The following ETNK1 variants were observed in gnomAD, a reference collection of about 807,000 sequenced individuals.
ETNK1 encodes the protein putative protein product of Nbla10396.
ETNK1 carries 8 observed loss-of-function variants against 45.1 expected under a neutral mutation model. That is an observed-to-expected ratio of 0.18 (90% CI 0.10 to 0.32). ETNK1 has a LOEUF of 0.32. ETNK1 is among the 10% of genes least tolerant of loss of function. The pLI is 1.00. For synonymous variants in ETNK1, 152 were observed against 151.9 expected, an observed-to-expected ratio of 1.00 and a Z score of -0.01; for missense variants, 302 against 430.6, an observed-to-expected ratio of 0.70 and a Z score of 2.64.
chr12:22,638,544 GC>G (rs1565863904), intron 1 of ETNK1: 1 of 152,086 alleles, frequency 6.6e-6, no homozygotes, highest in African/African-American at 2.4e-5. Context: ...GAGCCATCAC[GC>G]TTGGCCTGTC....
intron 1 of ETNK1, among the ~76,000 whole-genome samples, chr12:22,627,242 A>G (rs1317133778): frequency 6.6e-6 from 1 of 152,152 alleles, no homozygotes; most frequent in African/African-American, 2.4e-5. Flanking sequence ...GATGTAGGTA[A>G]AAAAGGGCAA....
Position 22,673,668 on chromosome 12 carries a change from T to A in ETNK1, c.945+8T>A, listed in dbSNP as rs1382808584. The stretch of plus-strand genomic sequence containing the variant: ...GTCAATCAGTTTGCATTGGTAAGTT[T>A]AAATGTACACAATTAATGAAAGGTT... On this transcript the variant is annotated splice_region_variant and intron_variant, in intron 6 of 7. Transcript: ENST00000266517. 4 of 1,605,126 alleles carry A rather than the reference T, an allele frequency of 2.5e-6. No homozygotes were observed. In the Admixed American group the frequency reaches 5.1e-5, roughly 20 times the overall value.
At position 22,688,927 on chromosome 12, in the gene ETNK1, T is replaced by G. The variant is rs1282254705; in HGVS notation, c.*3973T>G. 6.6e-6 allele frequency: 1 copy of G among 151,904 alleles called. No homozygotes were observed. The highest frequency in any genetic ancestry group is 1.5e-5 in the Non-Finnish European group (1 of 67,820). 9.4% of individuals were successfully genotyped at this position (151,904 alleles called of 1,614,324 possible). ...ACCACCTTATTTTAAAATTTTTAACTTTTATATACCACTTGTGTGATTCCA... is the reference window on the plus strand; with the variant it reads ...ACCACCTTATTTTAAAATTTTTAACGTTTATATACCACTTGTGTGATTCCA... On this transcript the variant is annotated 3_prime_UTR_variant, in exon 8 of 8. Coordinates refer to ENST00000266517, the MANE Select transcript of ETNK1 (RefSeq NM_018638.5).
Position 22,661,074 on chromosome 12 carries a change from A to T in ETNK1, c.569A>T (p.Asp190Val), listed in dbSNP as rs1230260659. 6.2e-7 allele frequency: 1 copy of T among 1,608,206 alleles called. No individual in the cohort carries two copies. The highest frequency in any genetic ancestry group is 1.3e-5 in the African/African-American group (1 of 74,538). The change falls in exon 4 of 8, where the codon GAT (aspartate) becomes GTT (valine). Residue 190 changes from aspartate (D) to valine (V), a missense_variant. Physicochemically the swap from Asp to Val is radical, Grantham distance 152 (BLOSUM62 -3). This residue lies in a region of ETNK1 where 205 missense variants were observed against 259.9 expected (regional missense o/e 0.79). Coordinates refer to ENST00000266517, the MANE Select transcript of ETNK1 (RefSeq NM_018638.5). ...DEDINKRFLS[D>V]IPSSQILQEE... ...TTTAAAACTAAAAGGTTCCTAAGTGATATCCCAAGCTCTCAGATTCTCCAG... is the reference window on the plus strand; with the variant it reads ...TTTAAAACTAAAAGGTTCCTAAGTGTTATCCCAAGCTCTCAGATTCTCCAG...
intron 1 of ETNK1, among the ~76,000 whole-genome samples, chr12:22,636,710 G>A (rs1233405899): frequency 6.6e-6 from 1 of 152,104 alleles, no homozygotes; most frequent in Non-Finnish European, 1.5e-5. Flanking sequence ...TACTGAACAT[G>A]TGCAGATATT....
chr12:22,656,192 G>T (rs1206760941), intron 2 of ETNK1, among the ~76,000 whole-genome samples: 3 of 152,098 alleles, frequency 2.0e-5, no homozygotes, highest in Non-Finnish European at 4.4e-5. Flanking sequence ...CAGCTTCTAA[G>T]ATTACATTTT....
intron 4 of ETNK1, among the ~76,000 whole-genome samples, chr12:22,667,280 C>T (rs939756572): frequency 2.6e-5 from 4 of 152,038 alleles, no homozygotes; most frequent in African/African-American, 9.7e-5. Flanking sequence ...GTTTTTCATG[C>T]TTTTTTGTCT....
chr12:22,643,625 A>G (rs983741494), intron 1 of ETNK1, 138 bp from the exon 2 acceptor site: 3 of 593,052 alleles, frequency 5.1e-6, no homozygotes, highest in Non-Finnish European at 8.5e-6. Flanking sequence ...ATAAAATTGT[A>G]TTCAAAGATG....
At chr12:22,646,297 A>G (rs1216329282) in intron 2 of ETNK1, among the ~76,000 whole-genome samples, 4 of 151,826 alleles carry the variant, frequency 2.6e-5, no homozygotes, top group African/African-American at 9.7e-5. Context: ...TGAGTTACAC[A>G]TGATTTTAAA....
At chr12:22,626,158 A>G (rs1332182950) in intron 1 of ETNK1, 1 of 218,030 alleles carries the variant, frequency 4.6e-6, no homozygotes, top group East Asian at 1.5e-4. Context: ...TTGAGTCGAT[A>G]TTTCTGAATT....
intron 6 of ETNK1, among the ~76,000 whole-genome samples, chr12:22,674,289 A>G (rs1342549888): frequency 6.6e-6 from 1 of 152,222 alleles, no homozygotes; most frequent in East Asian, 1.9e-4. Flanking sequence ...TAGATAATTA[A>G]ATGGAATAAT....
chr12:22,644,476 A>C (rs1953781415), intron 2 of ETNK1: 1 of 761,266 alleles, frequency 1.3e-6, no homozygotes, highest in African/African-American at 1.8e-5. Flanking sequence ...TATAAAGAAT[A>C]ATGTCATATA....
At chr12:22,675,683 T>C (rs1954153361) in intron 6 of ETNK1, among the ~76,000 whole-genome samples, 1 of 152,132 alleles carries the variant, frequency 6.6e-6, no homozygotes, top group South Asian at 2.1e-4. Context: ...TGTAAAATTA[T>C]TGGTAAATTG....
Position 22,690,272 on chromosome 12 carries a change from AATAT to A in ETNK1, c.*5319_*5322del, listed in dbSNP as rs1419472740. ...GTAGGTGTTTTGCTATGCCTCAGAA[AATAT>A]CTGTCTGAGAATTTGTTAATCTGTT... On this transcript the variant is annotated 3_prime_UTR_variant, in exon 8 of 8. Coordinates refer to ENST00000266517, the MANE Select transcript of ETNK1 (RefSeq NM_018638.5). 1.3e-5 allele frequency: 2 copies of A among 152,520 alleles called. No homozygotes were observed. Among genetic ancestry groups the A allele is most frequent in the East Asian group, 1.9e-4 (1 of 5,192 alleles). The allele number at this position is 152,520 out of a possible 1,614,324, so 9.4% of individuals were successfully genotyped here.
intron 2 of ETNK1, among the ~76,000 whole-genome samples, chr12:22,655,153 A>G (rs1953922301): frequency 6.7e-6 from 1 of 150,318 alleles, no homozygotes; most frequent in Admixed American, 6.6e-5. Context: ...TTTTTAGTAG[A>G]GACGGGGTTT....
At chr12:22,639,442 C>T (rs898063057) in intron 1 of ETNK1, among the ~76,000 whole-genome samples, 2 of 152,002 alleles carry the variant, frequency 1.3e-5, no homozygotes, top group Non-Finnish European at 2.9e-5. Flanking sequence ...TTTGGGAGGC[C>T]GAGGCGGGTG....
intron 2 of ETNK1, chr12:22,644,264 C>T: frequency 6.2e-7 from 1 of 1,608,662 alleles, no homozygotes; most frequent in Non-Finnish European, 8.5e-7. Context: ...TTTGGATTAA[C>T]CGGCTGCAGA....
chr12:22,664,303 G>A (rs939076179), intron 4 of ETNK1, among the ~76,000 whole-genome samples: 1 of 151,858 alleles, frequency 6.6e-6, no homozygotes, highest in Non-Finnish European at 1.5e-5. Flanking sequence ...TTAAATGCAA[G>A]CATCTAACTA....
chr12:22,653,607 G>A (rs1395496707), intron 2 of ETNK1, among the ~76,000 whole-genome samples: 1 of 151,788 alleles, frequency 6.6e-6, no homozygotes, highest in Non-Finnish European at 1.5e-5. Context: ...ATTTCTTTTC[G>A]ATGCTATCGT....
Sources: allele counts gnomAD v4.1 joint callset (sites outside exome capture counted in the v4.1 genomes callset), GRCh38; gene constraint gnomAD v4.1.1; regional missense constraint gnomAD v4.1.1; transcripts MANE v1.5; gene names NCBI Gene and HGNC (gene_info 2026-07-23, HGNC 2026-07-21).